Variants in ORC3 observed in about 807,000 individuals in gnomAD.
The protein encoded by ORC3 is origin recognition complex subunit 3.
ORC3 carries 78 observed loss-of-function variants against 100.7 expected under a neutral mutation model. The observed-to-expected ratio is 0.77, with a 90% CI of 0.65 to 0.94. ORC3 has a LOEUF of 0.94. Among genes scored for constraint, ORC3 ranks in the 40% least tolerant of loss-of-function variants. The pLI, the probability that ORC3 is intolerant of heterozygous loss-of-function variation, is 0.00. For missense variants in ORC3, 789 were observed against 823.9 expected (o/e 0.96, Z 0.52); for synonymous variants, 295 against 289.3 (o/e 1.02, Z -0.20).
At chr6:87,617,525 A>G (rs933404313) in intron 9 of ORC3, among the ~76,000 whole-genome samples, 2 of 152,092 alleles carry the variant, frequency 1.3e-5, no homozygotes, top group African/African-American at 4.8e-5. Flanking sequence ...ACTTGAGCTT[A>G]GTAGTTTGAG....
intron 1 of ORC3, among the ~76,000 whole-genome samples, chr6:87,591,923 G>T (rs1777046281): frequency 6.6e-6 from 1 of 152,250 alleles, no homozygotes; most frequent in Non-Finnish European, 1.5e-5. Flanking sequence ...AAGAGACAGG[G>T]TTTCACCATG....
At chr6:87,609,353 TTA>T in intron 7 of ORC3, 124 bp downstream of exon 7, 1 of 646,420 alleles carries the variant, frequency 1.5e-6, no homozygotes, top group Non-Finnish European at 2.4e-6. Context: ...TTCAAATTCT[TTA>T]TAATTGAATA....
intron 14 of ORC3, among the ~76,000 whole-genome samples, chr6:87,655,518 AT>A (rs1235929011): frequency 1.3e-5 from 2 of 151,466 alleles, no homozygotes; most frequent in Non-Finnish European, 1.5e-5. Flanking sequence ...CACTTGGCTA[AT>A]TTTTTTGTAT....
intron 10 of ORC3, among the ~76,000 whole-genome samples, chr6:87,621,725 G>A (rs561972115): frequency 7.9e-5 from 12 of 152,062 alleles, no homozygotes; most frequent in African/African-American, 2.9e-4. Flanking sequence ...CTATTCCTGG[G>A]GTTTATGGCC....
rs72924338 is a variant in ORC3, at chr6:87,664,166, A to G, written c.1834-577A>G. ...CTTTGGGTGGGATATATTATAATAT[A>G]CCCCTGATATTATAATATCAGAGCA... On this transcript the variant is annotated intron_variant, in intron 17 of 19. Coordinates refer to ENST00000392844, the MANE Select transcript of ORC3 (RefSeq NM_012381.4). Among the ~76,000 whole-genome samples, 502 of 152,178 alleles carry G rather than the reference A, an allele frequency of 3.3e-3. 2 individuals carry two copies. Among genetic ancestry groups the G allele is most frequent in the Non-Finnish European group, 5.3e-3 (363 of 68,006 alleles).
At chr6:87,631,542 G>T (rs1204629640) in intron 11 of ORC3, among the ~76,000 whole-genome samples, 2 of 152,072 alleles carry the variant, frequency 1.3e-5, no homozygotes, top group Non-Finnish European at 2.9e-5. Context: ...ACCCAGGCTG[G>T]ACTGCAACAG....
At chr6:87,631,368 T>G (rs1199465915) in intron 11 of ORC3, among the ~76,000 whole-genome samples, 36 of 152,166 alleles carry the variant, frequency 2.4e-4, no homozygotes, top group Admixed American at 2.4e-3. Context: ...AACAAAATGG[T>G]GACAGCTATG....
intron 7 of ORC3, among the ~76,000 whole-genome samples, chr6:87,610,737 T>C (rs1269036611): frequency 6.9e-6 from 1 of 145,332 alleles, no homozygotes; most frequent in Non-Finnish European, 1.5e-5. Context: ...GTATTTTTAG[T>C]AGAGACGGGG....
chr6:87,674,262 A>G, the ORC3 span, among the ~76,000 whole-genome samples: 1 of 143,066 alleles, frequency 7.0e-6, no homozygotes, highest in Non-Finnish European at 1.5e-5. Context: ...AGATCGTGCC[A>G]CTGCACTCCA....
intron 14 of ORC3, among the ~76,000 whole-genome samples, chr6:87,655,634 T>C (rs929409056): frequency 6.6e-6 from 1 of 151,744 alleles, no homozygotes; most frequent in African/African-American, 2.4e-5. Flanking sequence ...ATTATAGGCA[T>C]AAGCCCCCTC....
At chr6:87,668,084 T>C (rs141776786), downstream of ORC3, among the ~76,000 whole-genome samples, 27 of 152,298 alleles carry the variant, frequency 1.8e-4, no homozygotes, top group African/African-American at 6.5e-4. Flanking sequence ...GACATCTCGA[T>C]CTCTTCTATG....
intron 6 of ORC3, among the ~76,000 whole-genome samples, chr6:87,608,507 G>C (rs551741219): frequency 1.3e-5 from 2 of 152,210 alleles, no homozygotes; most frequent in African/African-American, 2.4e-5. Context: ...TGAAATCATC[G>C]TAAGTGAAGT....
At position 87,620,876 on chromosome 6, in the gene ORC3, T is replaced by A. The variant is rs570136519; in HGVS notation, c.988-478T>A. On this transcript the variant is annotated intron_variant, in intron 9 of 19. Coordinates refer to ENST00000392844, the MANE Select transcript of ORC3 (RefSeq NM_012381.4). ...CATGTTTTCCTCCATGGGAAAAAAA[T>A]TAATTTGTAAAGATAAATTTTCATC... Among the ~76,000 whole-genome samples the A allele has an allele frequency of 5.3e-5, 8 of 152,284 alleles. No individual in the cohort carries two copies. In the East Asian group the frequency reaches 5.8e-4, roughly 11 times the overall value.
intron 19 of ORC3, 96 bp from the exon 20 acceptor site, chr6:87,666,922 C>A: frequency 3.0e-6 from 2 of 671,582 alleles, no homozygotes; most frequent in Non-Finnish European, 5.2e-6. Flanking sequence ...TCTGAACTAT[C>A]TACTTCATTT....
At chr6:87,621,899 T>C (rs748846181) in intron 10 of ORC3, 51 bp from the exon 11 acceptor site, 56 of 1,241,008 alleles carry the variant, frequency 4.5e-5, no homozygotes, top group South Asian at 1.6e-4. Flanking sequence ...TATTTAAATA[T>C]GTTGAATGTT....
rs1336694840 is a variant in ORC3 at position 87,609,128 on chromosome 6, GAC to G, written c.613_614del (p.Thr205TyrfsTer3). The G allele has an allele frequency of 6.2e-7, 1 of 1,603,258 alleles. No individual in the cohort carries two copies. Among genetic ancestry groups the G allele is most frequent in the South Asian group, 1.1e-5 (1 of 88,428 alleles). On this transcript the variant is annotated frameshift_variant, in exon 7 of 20. Coordinates refer to ENST00000392844, the MANE Select transcript of ORC3 (RefSeq NM_012381.4). LOFTEE classifies it high-confidence loss of function. ...TDPKMLSKKR[T>X]TSSQWQSPPV... ...ACCCAAAAATGCTAAGCAAAAAAAG[GAC>G]TACTTCTAGCCAATGGCAGTCTCCT... is the stretch of plus-strand genomic sequence containing the variant.
chr6:87,635,210 A>C (rs1273564844), intron 12 of ORC3, among the ~76,000 whole-genome samples: 1 of 152,208 alleles, frequency 6.6e-6, no homozygotes, highest in Non-Finnish European at 1.5e-5. Flanking sequence ...TTTTGTACTA[A>C]GGCATTTGAA....
At chr6:87,672,663 C>CA in the ORC3 span, among the ~76,000 whole-genome samples, 1 of 152,294 alleles carries the variant, frequency 6.6e-6, no homozygotes, top group South Asian at 2.1e-4. Flanking sequence ...AAACAGATTC[C>CA]AAAAGTTCTC....
At chr6:87,649,417 C>G (rs543447520) in intron 13 of ORC3, among the ~76,000 whole-genome samples, 17 of 152,294 alleles carry the variant, frequency 1.1e-4, no homozygotes, top group African/African-American at 3.6e-4. Context: ...TTTTTTAGAA[C>G]AATTATTCCA....
Sources: allele counts gnomAD v4.1 joint callset (sites outside exome capture counted in the v4.1 genomes callset), GRCh38; gene constraint gnomAD v4.1.1; transcripts MANE v1.5; gene names NCBI Gene and HGNC (gene_info 2026-07-23, HGNC 2026-07-21).